The following KIF16B variants were observed in gnomAD, a reference collection of about 807,000 sequenced individuals.
KIF16B encodes kinesin family member 16B.
Under a neutral mutation model 156.3 loss-of-function variants are expected in KIF16B, and 98 were observed. That is an observed-to-expected ratio of 0.63 (90% confidence interval 0.53 to 0.74). The LOEUF (loss-of-function observed/expected upper bound fraction) is 0.74, where lower values mean the gene tolerates loss of function less well. Among genes scored for constraint, KIF16B ranks in the 30% least tolerant of loss-of-function variants. The pLI is 0.00. For synonymous variants in KIF16B, 564 were observed against 583.7 expected (o/e 0.97, Z 0.49); for missense variants, 1,421 against 1,606.5 (o/e 0.88, Z 1.97).
intron 12 of KIF16B, among the ~76,000 whole-genome samples, chr20:16,482,691 T>C (rs1376888188): frequency 6.6e-6 from 1 of 152,188 alleles, no homozygotes; most frequent in Non-Finnish European, 1.5e-5. Context: ...ATTTTTCACC[T>C]CAATACAGGA....
At chr20:16,456,291 A>ATAGT (rs2067211023) in intron 12 of KIF16B, among the ~76,000 whole-genome samples, 1 of 152,212 alleles carries the variant, frequency 6.6e-6, no homozygotes, top group African/African-American at 2.4e-5. Flanking sequence ...TTTGGAATAC[A>ATAGT]TAGTTCTCAA....
At chr20:16,372,576 G>A (rs552844661) in intron 20 of KIF16B, among the ~76,000 whole-genome samples, 1 of 152,318 alleles carries the variant, frequency 6.6e-6, no homozygotes, top group South Asian at 2.1e-4. Context: ...TCCACCTGGA[G>A]GAAACAGAGA....
chr20:16,358,146 G>A (rs1009287421), intron 22 of KIF16B, among the ~76,000 whole-genome samples: 6 of 151,974 alleles, frequency 3.9e-5, no homozygotes, highest in Non-Finnish European at 8.8e-5. Flanking sequence ...CTGAGATCAC[G>A]CCACTGCACT....
intron 22 of KIF16B, chr20:16,367,315 C>T: frequency 6.8e-6 from 11 of 1,612,848 alleles, no homozygotes; most frequent in African/African-American, 1.3e-5. Context: ...ATTTCTGGAA[C>T]CCACTGAAGG....
At chr20:16,489,433 A>G (rs2068220177) in intron 12 of KIF16B, among the ~76,000 whole-genome samples, 1 of 152,200 alleles carries the variant, frequency 6.6e-6, no homozygotes, top group Non-Finnish European at 1.5e-5. Flanking sequence ...TGTCTAAATC[A>G]ACACTGTCAC....
chr20:16,517,229 T>G (rs1219369484), intron 3 of KIF16B, among the ~76,000 whole-genome samples: 1 of 152,230 alleles, frequency 6.6e-6, no homozygotes, highest in Non-Finnish European at 1.5e-5. Flanking sequence ...CTCAGCCTCA[T>G]CAGTAAAAGA....
chr20:16,409,186 G>A (rs1488265208), intron 15 of KIF16B, among the ~76,000 whole-genome samples: 1 of 152,120 alleles, frequency 6.6e-6, no homozygotes, highest in East Asian at 1.9e-4. Flanking sequence ...TTCAAGGGAG[G>A]TGGTGTCTAA....
intron 12 of KIF16B, among the ~76,000 whole-genome samples, chr20:16,466,882 T>G (rs2067507371): frequency 6.8e-6 from 1 of 146,774 alleles, no homozygotes; most frequent in South Asian, 2.2e-4. Context: ...ACTCCAGGAG[T>G]GGCTTTTCTA....
chr20:16,563,937 G>A (rs1455502975), intron 1 of KIF16B, among the ~76,000 whole-genome samples: 1 of 152,196 alleles, frequency 6.6e-6, no homozygotes, highest in African/African-American at 2.4e-5. Flanking sequence ...AACTCAAGGT[G>A]TCAGCAACAG....
At chr20:16,489,540 T>C (rs1313733701) in intron 12 of KIF16B, among the ~76,000 whole-genome samples, 1 of 151,828 alleles carries the variant, frequency 6.6e-6, no homozygotes, top group Non-Finnish European at 1.5e-5. Flanking sequence ...TTATAAAAAA[T>C]ACAAAACTTA....
At position 16,506,026 on chromosome 20, in the gene KIF16B, G is replaced by A. The variant is rs763134057; in HGVS notation, c.864C>T (p.Ala288=). 3 of 1,614,112 alleles carry A rather than the reference G, an allele frequency of 1.9e-6. No homozygotes were observed. Among genetic ancestry groups the A allele is most frequent in the East Asian group, 2.2e-5 (1 of 44,882 alleles). Residue 288 remains alanine (A), a synonymous_variant, in exon 8 of 26, where the codon GCC becomes GCT. Transcript: ENST00000354981. ...SLVTLGNVIS[A]LADLSQDAAN... is the part of the protein sequence containing the mutation. Reference sequence around the variant, plus strand: ...AGGAGCCAGGCGTAAGCATACCTAAGGCAGAAATGACGTTCCCCAGAGTCA... The same window carrying A: ...AGGAGCCAGGCGTAAGCATACCTAAAGCAGAAATGACGTTCCCCAGAGTCA...
At chr20:16,519,120 G>T (rs928053586) in intron 3 of KIF16B, among the ~76,000 whole-genome samples, 5 of 152,154 alleles carry the variant, frequency 3.3e-5, no homozygotes, top group Admixed American at 3.3e-4. Flanking sequence ...TGATTCCTGT[G>T]AGGATTAAAC....
At chr20:16,510,247 C>A (rs2068914653) in intron 6 of KIF16B, among the ~76,000 whole-genome samples, 1 of 152,170 alleles carries the variant, frequency 6.6e-6, no homozygotes, top group African/African-American at 2.4e-5. Flanking sequence ...ATGAGTTAGG[C>A]TAAAAACTCT....
At chr20:16,405,010 A>C in intron 16 of KIF16B, 109 bp from the exon 17 acceptor site, 1 of 720,912 alleles carries the variant, frequency 1.4e-6, no homozygotes, top group African/African-American at 1.7e-5. Flanking sequence ...ACATGCTCCT[A>C]ATTAACACGC....
At chr20:16,346,933 C>T (rs2064245068) in intron 23 of KIF16B, among the ~76,000 whole-genome samples, 1 of 152,164 alleles carries the variant, frequency 6.6e-6, no homozygotes, top group South Asian at 2.1e-4. Context: ...TGTAAAGTCT[C>T]CACCAGTCAT....
intron 15 of KIF16B, among the ~76,000 whole-genome samples, chr20:16,416,684 T>C (rs990289444): frequency 2.7e-5 from 4 of 150,710 alleles, no homozygotes; most frequent in Non-Finnish European, 5.9e-5. Context: ...CGTTTACATA[T>C]GTAACAAACC....
At chr20:16,452,957 A>T (rs2067123388) in intron 12 of KIF16B, among the ~76,000 whole-genome samples, 1 of 152,224 alleles carries the variant, frequency 6.6e-6, no homozygotes, top group African/African-American at 2.4e-5. Flanking sequence ...CTGTAAATAC[A>T]CATGTGTGGC....
intron 10 of KIF16B, among the ~76,000 whole-genome samples, chr20:16,499,072 T>C (rs16997751): frequency 0.11 from 17,072 of 152,076 alleles, 1,151 homozygotes; most frequent in African/African-American, 0.18. Context: ...CTCAGAGATG[T>C]CCCCGAGCTA....
At chr20:16,395,437 C>G (rs1406765919) in intron 17 of KIF16B, among the ~76,000 whole-genome samples, 1 of 151,764 alleles carries the variant, frequency 6.6e-6, no homozygotes, top group Non-Finnish European at 1.5e-5. Context: ...GGGAGGAAAA[C>G]AAAACTATTT....
Sources: gnomAD v4.1 joint callset for allele counts (sites outside exome capture counted in the v4.1 genomes callset) on GRCh38, gnomAD v4.1.1 for gene constraint, MANE v1.5 for transcripts, NCBI Gene and HGNC (gene_info 2026-07-23, HGNC 2026-07-21) for gene names.